ENTPD1: variants seen among roughly 807,000 people sequenced by gnomAD.
The protein encoded by ENTPD1 is ATP diphosphohydrolase.
ENTPD1 carries 33 observed loss-of-function variants against 57.0 expected under a neutral mutation model. That is an observed-to-expected ratio of 0.58 (90% CI 0.44 to 0.77). The LOEUF (loss-of-function observed/expected upper bound fraction) is 0.77. ENTPD1 is among the 30% of genes least tolerant of loss of function. ENTPD1 has a pLI of 0.00. For synonymous variants in ENTPD1, 202 were observed against 218.8 expected, an observed-to-expected ratio of 0.92 and a Z score of 0.68; for missense variants, 501 against 603.4, an observed-to-expected ratio of 0.83 and a Z score of 1.78.
At chr10:95,697,247 A>G in the ENTPD1 span, among the ~76,000 whole-genome samples, 1 of 152,098 alleles carries the variant, frequency 6.6e-6, no homozygotes, top group South Asian at 2.1e-4. Flanking sequence ...TCTCAAGCTT[A>G]TCCCTACTTG....
intron 1 of ENTPD1, among the ~76,000 whole-genome samples, chr10:95,803,548 T>C (rs1589899959): frequency 6.6e-6 from 1 of 152,174 alleles, no homozygotes; most frequent in East Asian, 1.9e-4. Context: ...CACTTTTTGA[T>C]GGGGTTGTTT....
intron 2 of ENTPD1, among the ~76,000 whole-genome samples, chr10:95,837,324 G>C (rs896183409): frequency 1.3e-5 from 2 of 152,202 alleles, no homozygotes; most frequent in African/African-American, 4.8e-5. Context: ...GCTCTGTTAG[G>C]AAACAACAGA....
At chr10:95,807,863 A>G (rs567696894) in intron 1 of ENTPD1, among the ~76,000 whole-genome samples, 11 of 152,188 alleles carry the variant, frequency 7.2e-5, no homozygotes, top group Non-Finnish European at 1.3e-4. Context: ...GTTGTCTGCA[A>G]ACAGGGATAG....
At chr10:95,845,213 G>A (rs1476427187) in intron 5 of ENTPD1, 144 bp from the exon 6 acceptor site, 11 of 1,074,884 alleles carry the variant, frequency 1.0e-5, no homozygotes, top group African/African-American at 9.4e-5. Flanking sequence ...CTGATAATCT[G>A]TTGTAGATCA....
chr10:95,821,551 C>T (rs2098351356), intron 1 of ENTPD1, among the ~76,000 whole-genome samples: 2 of 152,156 alleles, frequency 1.3e-5, no homozygotes, highest in Admixed American at 1.3e-4. Context: ...ACAGACAAGT[C>T]CATCCCTGAG....
At chr10:95,860,401 C>T (rs902737836) in intron 7 of ENTPD1, 68 bp from the exon 8 acceptor site, 12 of 1,297,238 alleles carry the variant, frequency 9.3e-6, no homozygotes, top group Non-Finnish European at 1.3e-5. Flanking sequence ...AGGGATGCGG[C>T]CTTTAGGAGA....
intron 2 of ENTPD1, among the ~76,000 whole-genome samples, chr10:95,824,511 T>C (rs2098366693): frequency 6.6e-6 from 1 of 152,252 alleles, no homozygotes; most frequent in South Asian, 2.1e-4. Flanking sequence ...TACTATCTCA[T>C]TGTTAAGGGT....
chr10:95,816,613 T>C (rs1457271901), intron 1 of ENTPD1, among the ~76,000 whole-genome samples: 2 of 151,818 alleles, frequency 1.3e-5, no homozygotes, highest in Non-Finnish European at 2.9e-5. Flanking sequence ...GAGGTGGAGA[T>C]TGGAGTGATG....
rs1371028496 is a variant in ENTPD1 at position 95,867,699 on chromosome 10, A to C, written c.*1316A>C. 1 of 985,308 alleles carries C rather than the reference A, an allele frequency of 1.0e-6. No individual in the cohort carries two copies. Among genetic ancestry groups the C allele is most frequent in the African/African-American group, 1.7e-5 (1 of 57,232 alleles). The allele number at this position is 985,308 out of a possible 1,614,324, so 61.0% of individuals were successfully genotyped here. ...CCCTTTCCTTAAGGATTGCTGCAAGAGTTACCTGTTGAGCAGGATTGACTG... is the reference window on the plus strand; with the variant it reads ...CCCTTTCCTTAAGGATTGCTGCAAGCGTTACCTGTTGAGCAGGATTGACTG... On this transcript the variant is annotated 3_prime_UTR_variant, in exon 10 of 10. Transcript: ENST00000371205.
At chr10:95,725,391 T>A (rs927717175) in intron 1 of ENTPD1, among the ~76,000 whole-genome samples, 22 of 152,222 alleles carry the variant, frequency 1.4e-4, no homozygotes, top group Admixed American at 1.4e-3. Context: ...TATACTCTTA[T>A]AGTTCTTTGC....
chr10:95,806,807 A>G (rs182605566), intron 1 of ENTPD1, among the ~76,000 whole-genome samples: 172 of 151,980 alleles, frequency 1.1e-3, no homozygotes, highest in Non-Finnish European at 1.7e-3. Context: ...TTGTCTGGGT[A>G]TCACCAGCGG....
chr10:95,873,734 CAT>C lies in ENTPD1; in HGVS notation c.*7354_*7355del. The C allele has an allele frequency of 1.0e-6, 1 of 973,516 alleles. No individual in the cohort carries two copies. The highest frequency in any genetic ancestry group is 1.2e-6 in the Non-Finnish European group (1 of 819,188). The allele number at this position is 973,516 out of a possible 1,614,324, so 60.3% of individuals were successfully genotyped here. A position where few individuals can be genotyped will look rare whatever the true frequency, so the allele number is the denominator to read the frequency against. Reference sequence around the variant, plus strand: ...TTCGTTTCCATGCTGCTGATAAAGACATATCTGAGACTGGAAACAAAAAGGGT... The same window carrying C: ...TTCGTTTCCATGCTGCTGATAAAGACATCTGAGACTGGAAACAAAAAGGGT... On this transcript the variant is annotated 3_prime_UTR_variant, in exon 10 of 10. Transcript: ENST00000371205.
chr10:95,832,494 G>C (rs955833806), intron 2 of ENTPD1, among the ~76,000 whole-genome samples: 2 of 152,156 alleles, frequency 1.3e-5, no homozygotes, highest in Non-Finnish European at 2.9e-5. Context: ...CGGTAGCTTT[G>C]ACGTCTGCTT....
chr10:95,870,732 T>G lies in ENTPD1; in HGVS notation c.*4349T>G. 1.0e-6 allele frequency: 1 copy of G among 985,480 alleles called. No homozygotes were observed. Among genetic ancestry groups the G allele is most frequent in the Non-Finnish European group, 1.2e-6 (1 of 829,932 alleles). 61.0% of individuals were successfully genotyped at this position (985,480 alleles called of 1,614,324 possible). A position where few individuals can be genotyped will look rare whatever the true frequency, so the allele number is the denominator to read the frequency against. On this transcript the variant is annotated 3_prime_UTR_variant, in exon 10 of 10. Transcript: ENST00000371205. ...CTCTGATTCAAATACCAATAGTTGCTCTGATTCAAATTCCAACTGTTAGAA... is the reference window on the plus strand; with the variant it reads ...CTCTGATTCAAATACCAATAGTTGCGCTGATTCAAATTCCAACTGTTAGAA...
chr10:95,762,209 C>CAAA (rs59588135), intron 1 of ENTPD1, among the ~76,000 whole-genome samples: 28 of 78,458 alleles, frequency 3.6e-4, no homozygotes, highest in East Asian at 3.8e-4. Flanking sequence ...TAAAAAGAAG[C>CAAA]AAAAAAAAAA....
At chr10:95,728,488 C>T (rs1473849387) in intron 1 of ENTPD1, among the ~76,000 whole-genome samples, 1 of 152,148 alleles carries the variant, frequency 6.6e-6, no homozygotes, top group African/African-American at 2.4e-5. Context: ...TCAAGCAATT[C>T]ATCTTTTTCT....
chr10:95,839,388 G>C (rs1462475448), intron 2 of ENTPD1: 1 of 398,322 alleles, frequency 2.5e-6, no homozygotes, highest in Non-Finnish European at 4.7e-6. Context: ...TCAGCATGTG[G>C]TTCTGAATCT....
chr10:95,756,120 C>A, upstream of ENTPD1: 1 of 1,543,176 alleles, frequency 6.5e-7, no homozygotes, highest in Non-Finnish European at 8.7e-7. Flanking sequence ...CTCCCACGAG[C>A]CCAAGGGTCT....
the ENTPD1 span, among the ~76,000 whole-genome samples, chr10:95,696,909 C>T: frequency 1.3e-5 from 2 of 152,202 alleles, no homozygotes; most frequent in Non-Finnish European, 2.9e-5. Flanking sequence ...TCCCACTTCT[C>T]CCCCCTTTTC....
Sources: allele counts gnomAD v4.1 joint callset (sites outside exome capture counted in the v4.1 genomes callset), GRCh38; gene constraint gnomAD v4.1.1; transcripts MANE v1.5; gene names NCBI Gene and HGNC (gene_info 2026-07-23, HGNC 2026-07-21).